RIOK1: variants seen among roughly 807,000 people sequenced by gnomAD.
The protein encoded by RIOK1 is serine/threonine-protein kinase RIO1.
In RIOK1, 66 loss-of-function variants were observed where a neutral mutation model predicts 73.5. The ratio of observed to expected loss-of-function variants is 0.90; its 90% CI spans 0.74 to 1.10. The LOEUF (loss-of-function observed/expected upper bound fraction) is 1.10. Among genes scored for constraint, RIOK1 ranks in the 50% least tolerant of loss-of-function variants. RIOK1 has a pLI of 0.00. For synonymous variants in RIOK1, 224 were observed against 226.8 expected (o/e 0.99, Z 0.11); for missense variants, 658 against 699.8 (o/e 0.94, Z 0.67).
intron 12 of RIOK1, among the ~76,000 whole-genome samples, chr6:7,406,264 TGG>T (rs1349497896): frequency 6.6e-6 from 1 of 152,216 alleles, no homozygotes; most frequent in Non-Finnish European, 1.5e-5. Flanking sequence ...CCCAAAGTGC[TGG>T]GATTACAGGT....
At chr6:7,403,377 T>A (rs1039684196) in intron 8 of RIOK1, among the ~76,000 whole-genome samples, 4 of 152,240 alleles carry the variant, frequency 2.6e-5, no homozygotes, top group East Asian at 1.9e-4. Flanking sequence ...ACACTTTTTT[T>A]ATATTCTTTG....
chr6:7,392,483 C>T (rs1761365612), intron 1 of RIOK1, among the ~76,000 whole-genome samples: 1 of 151,122 alleles, frequency 6.6e-6, no homozygotes, highest in East Asian at 1.9e-4. Context: ...GTAAGACTGC[C>T]TTAGACTTAT....
chr6:7,411,651 C>T, intron 14 of RIOK1, 200 bp downstream of exon 14: 2 of 507,894 alleles, frequency 3.9e-6, no homozygotes, highest in South Asian at 2.4e-5. Context: ...GGAGGTAACA[C>T]ATTTGAATGA....
In RIOK1 at chr6:7,390,011, C is replaced by T. The variant is rs1187906053; in HGVS notation, c.9C>T (p.Tyr3=). The T allele has an allele frequency of 2.6e-5, 40 of 1,553,012 alleles. No homozygotes were observed. The highest frequency in any genetic ancestry group is 3.0e-5 in the Non-Finnish European group (34 of 1,148,344). Residue 3 remains tyrosine (Y), a synonymous_variant, in exon 1 of 17, where the codon TAC becomes TAT. Transcript: ENST00000379834. MD[Y]RRLLMSRVVP... is the part of the protein sequence containing the mutation. ...GGCGGCGCTCTCCAGTCATGGACTA[C>T]CGGCGGCTTCTCATGAGCCGGGTGG...
intron 4 of RIOK1, 100 bp from the exon 5 acceptor site, chr6:7,398,596 ACT>A (rs1761537696): frequency 1.3e-5 from 11 of 824,902 alleles, no homozygotes; most frequent in Non-Finnish European, 2.0e-5. Flanking sequence ...ATTTAGAGAA[ACT>A]ACCTACTTAG....
intron 1 of RIOK1, among the ~76,000 whole-genome samples, chr6:7,391,590 G>A (rs1186663173): frequency 6.6e-6 from 1 of 152,204 alleles, no homozygotes; most frequent in Admixed American, 6.5e-5. Flanking sequence ...ATCCACCCCA[G>A]GGTATTGTAA....
chr6:7,397,021 C>T (rs1298868420), intron 4 of RIOK1, among the ~76,000 whole-genome samples: 1 of 152,000 alleles, frequency 6.6e-6, no homozygotes, highest in Non-Finnish European at 1.5e-5. Flanking sequence ...CCCATCACTT[C>T]AGAAGGCCGA....
chr6:7,405,410 C>T, intron 12 of RIOK1, 55 bp downstream of exon 12: 2 of 1,056,032 alleles, frequency 1.9e-6, no homozygotes, highest in Middle Eastern at 2.0e-4. Flanking sequence ...TGCAGTATCT[C>T]TTATCTCAAG....
intron 12 of RIOK1, among the ~76,000 whole-genome samples, chr6:7,409,532 G>A (rs1250931175): frequency 1.3e-5 from 2 of 151,406 alleles, no homozygotes; most frequent in South Asian, 2.1e-4. Flanking sequence ...GATTACAGAC[G>A]TGAGCCTCAG....
At position 7,412,960 on chromosome 6, in the gene RIOK1, T is replaced by C. The variant is rs1166658918; in HGVS notation, c.1443+18T>C. On this transcript the variant is annotated intron_variant, in intron 15 of 16. Transcript: ENST00000379834. ...TTCAGAAGGTATGAAGAACATGTGTTACTGTTTGTTTATGTGAAAACAGTT... is the reference window on the plus strand; with the variant it reads ...TTCAGAAGGTATGAAGAACATGTGTCACTGTTTGTTTATGTGAAAACAGTT... 1.3e-6 allele frequency: 2 copies of C among 1,495,730 alleles called. No homozygotes were observed. The highest frequency in any genetic ancestry group is 1.8e-6 in the Non-Finnish European group (2 of 1,106,044). 92.7% of individuals were successfully genotyped at this position (1,495,730 alleles called of 1,614,324 possible).
chr6:7,411,255 C>A, intron 13 of RIOK1, 77 bp from the exon 14 acceptor site: 1 of 1,492,078 alleles, frequency 6.7e-7, no homozygotes, highest in Non-Finnish European at 9.2e-7. Context: ...TCCCCTGTAA[C>A]CTGATGGAGG....
In RIOK1 at chr6:7,404,940, A is replaced by T; in HGVS notation, c.1015A>T (p.Ile339Phe). Residue 339 changes from isoleucine to phenylalanine, a missense_variant, in exon 11 of 17, where the codon ATC becomes TTC. By Grantham distance (21) the Ile-to-Phe change is conservative (BLOSUM62 0). Transcript: ENST00000379834. Reference sequence around the variant, plus strand: ...TAGGTACCACGGTGGAGGCGTGTATATCATTGACGTGTCTCAGTCCGTGGA... The same window carrying T: ...TAGGTACCACGGTGGAGGCGTGTATTTCATTGACGTGTCTCAGTCCGTGGA... Reference protein sequence around the residue: ...NMLYHGGGVYIIDVSQSVEHD... With the variant: ...NMLYHGGGVYFIDVSQSVEHD... The T allele has an allele frequency of 6.2e-7, 1 of 1,614,132 alleles. No homozygotes were observed. Among genetic ancestry groups the T allele is most frequent in the South Asian group, 1.1e-5 (1 of 91,046 alleles).
chr6:7,410,080 T>C (rs1761851069), intron 12 of RIOK1, among the ~76,000 whole-genome samples: 2 of 152,180 alleles, frequency 1.3e-5, no homozygotes, highest in African/African-American at 4.8e-5. Context: ...TGCTAAAGCA[T>C]TTACTAAATG....
intron 2 of RIOK1, among the ~76,000 whole-genome samples, chr6:7,393,517 A>C (rs1761395028): frequency 6.6e-6 from 1 of 152,206 alleles, no homozygotes; most frequent in Non-Finnish European, 1.5e-5. Context: ...TGTAAATTTA[A>C]AAAGAGTTAT....
intron 8 of RIOK1, 55 bp from the exon 9 acceptor site, chr6:7,403,886 A>G: frequency 1.6e-6 from 2 of 1,233,412 alleles, no homozygotes; most frequent in South Asian, 2.4e-5. Flanking sequence ...GTTGTAATTT[A>G]TTTAGATGCC....
At chr6:7,416,877 C>A (rs1191980305) in intron 16 of RIOK1, among the ~76,000 whole-genome samples, 3 of 152,076 alleles carry the variant, frequency 2.0e-5, no homozygotes, top group Non-Finnish European at 4.4e-5. Flanking sequence ...AACCCATAAT[C>A]ATTTTCTTTT....
chr6:7,416,657 A>C (rs1762011062), intron 16 of RIOK1, among the ~76,000 whole-genome samples: 1 of 151,684 alleles, frequency 6.6e-6, no homozygotes, highest in African/African-American at 2.4e-5. Flanking sequence ...AAAAAAAAAA[A>C]AAAGAGGAAG....
intron 1 of RIOK1, among the ~76,000 whole-genome samples, chr6:7,391,379 T>C (rs955132349): frequency 6.6e-6 from 1 of 152,052 alleles, no homozygotes; most frequent in Non-Finnish European, 1.5e-5. Flanking sequence ...GGGGGAAAAA[T>C]AGGGAAGACT....
chr6:7,404,538 C>T lies in RIOK1; in HGVS notation c.975C>T (p.Leu325=), dbSNP rs1251446867. 1.9e-6 allele frequency: 3 copies of T among 1,613,904 alleles called. No individual in the cohort carries two copies. Among genetic ancestry groups the T allele is most frequent in the Non-Finnish European group, 1.7e-6 (2 of 1,179,960 alleles). The change falls in exon 10 of 17, where the codon CTC becomes CTT. Residue 325 remains leucine, a synonymous_variant. Transcript: ENST00000379834. Reference sequence around the variant, plus strand: ...ATGCCAGACTTGTCCATGCAGATCTCAGTGAATTTAACATGCTGTGAGTGT... The same window carrying T: ...ATGCCAGACTTGTCCATGCAGATCTTAGTGAATTTAACATGCTGTGAGTGT... ...YQDARLVHAD[L]SEFNMLYHGG...
Sources: allele counts gnomAD v4.1 joint callset (sites outside exome capture counted in the v4.1 genomes callset), GRCh38; gene constraint gnomAD v4.1.1; transcripts MANE v1.5; gene names NCBI Gene and HGNC (gene_info 2026-07-23, HGNC 2026-07-21).